SLC9C1: variants seen among roughly 807,000 people sequenced by gnomAD.
SLC9C1 encodes solute carrier family 9 member C1, also known as sodium/hydrogen exchanger 10.
Under a neutral mutation model 140.9 loss-of-function variants are expected in SLC9C1, and 97 were observed. The observed-to-expected ratio is 0.69, with a 90% CI of 0.58 to 0.82. The LOEUF is 0.82. SLC9C1 is among the 40% of genes least tolerant of loss of function. The probability of loss-of-function intolerance (pLI) is 0.00; values close to 1 mark genes in which losing one functional copy is unlikely to be tolerated. For synonymous variants in SLC9C1, 440 were observed against 442.6 expected, an observed-to-expected ratio of 0.99 and a Z score of 0.07; for missense variants, 1,340 against 1,389.3, an observed-to-expected ratio of 0.96 and a Z score of 0.56.
intron 9 of SLC9C1, 99 bp from the exon 10 acceptor site, chr3:112,263,197 C>G (rs1230697397): frequency 9.9e-7 from 1 of 1,013,942 alleles, no homozygotes; most frequent in Non-Finnish European, 1.4e-6. Context: ...GAATTCCTAA[C>G]TCTCAAACAA....
chr3:112,241,964 A>T (rs370891366), intron 11 of SLC9C1, among the ~76,000 whole-genome samples: 1 of 152,228 alleles, frequency 6.6e-6, no homozygotes, highest in Non-Finnish European at 1.5e-5. Flanking sequence ...TGGATTAAAT[A>T]TTTAAATGTA....
intron 2 of SLC9C1, among the ~76,000 whole-genome samples, chr3:112,281,179 C>A (rs932824760): frequency 3.3e-5 from 5 of 152,144 alleles, no homozygotes; most frequent in African/African-American, 1.2e-4. Context: ...AGAAACTAGA[C>A]CAACTTAAAA....
chr3:112,166,207 C>T (rs1016916859), intron 26 of SLC9C1, among the ~76,000 whole-genome samples: 1 of 152,248 alleles, frequency 6.6e-6, no homozygotes, highest in Middle Eastern at 3.2e-3. Context: ...TCCCTAACCC[C>T]TTGTGCTTCC....
At chr3:112,181,330 A>G (rs1176155530) in intron 21 of SLC9C1, among the ~76,000 whole-genome samples, 1 of 152,220 alleles carries the variant, frequency 6.6e-6, no homozygotes, top group Admixed American at 6.5e-5. Context: ...TGGCATGCAT[A>G]TGTCATACAT....
chr3:112,172,406 A>G (rs1268670234), intron 23 of SLC9C1, among the ~76,000 whole-genome samples: 2 of 151,976 alleles, frequency 1.3e-5, no homozygotes, highest in Non-Finnish European at 2.9e-5. Context: ...TGGAATTTGG[A>G]CTTGTATTTT....
At chr3:112,273,790 C>T (rs997124180) in intron 6 of SLC9C1, among the ~76,000 whole-genome samples, 2 of 151,920 alleles carry the variant, frequency 1.3e-5, no homozygotes, top group Non-Finnish European at 2.9e-5. Flanking sequence ...TGAGGGGAGG[C>T]GGGGAGTAGA....
chr3:112,221,737 TAAC>T (rs2078546530), intron 13 of SLC9C1, among the ~76,000 whole-genome samples: 1 of 152,090 alleles, frequency 6.6e-6, no homozygotes, highest in African/African-American at 2.4e-5. Flanking sequence ...AGTATTATAA[TAAC>T]AGATTGCTAC....
intron 23 of SLC9C1, among the ~76,000 whole-genome samples, chr3:112,178,960 C>A (rs1176934294): frequency 6.6e-6 from 1 of 152,100 alleles, no homozygotes; most frequent in Admixed American, 6.6e-5. Flanking sequence ...TTAAAAAATC[C>A]ATTTTCAAAG....
At chr3:112,167,944 C>G (rs954725830) in intron 25 of SLC9C1, among the ~76,000 whole-genome samples, 1 of 152,076 alleles carries the variant, frequency 6.6e-6, no homozygotes, top group Admixed American at 6.6e-5. Context: ...GTTTCACTTC[C>G]TCTCATTAAG....
At chr3:112,210,299 G>A (rs2078166109) in intron 15 of SLC9C1, among the ~76,000 whole-genome samples, 1 of 152,052 alleles carries the variant, frequency 6.6e-6, no homozygotes, top group Non-Finnish European at 1.5e-5. Flanking sequence ...AATAAAATGT[G>A]GTATATATAC....
At chr3:112,256,780 AT>A (rs1167466836) in intron 10 of SLC9C1, among the ~76,000 whole-genome samples, 3 of 152,084 alleles carry the variant, frequency 2.0e-5, no homozygotes, top group Non-Finnish European at 4.4e-5. Context: ...AATTATCCTT[AT>A]TTGCAGATGA....
intron 2 of SLC9C1, among the ~76,000 whole-genome samples, chr3:112,284,248 T>G (rs1403205065): frequency 6.6e-6 from 1 of 152,230 alleles, no homozygotes; most frequent in East Asian, 1.9e-4. Context: ...TTAGTTGCAC[T>G]GGGAACAGAG....
chr3:112,255,920 T>C (rs1419051800), intron 10 of SLC9C1, among the ~76,000 whole-genome samples: 2 of 152,036 alleles, frequency 1.3e-5, no homozygotes, highest in African/African-American at 4.8e-5. Flanking sequence ...CCCACAAAAA[T>C]ACAAATAACC....
chr3:112,204,612 G>T (rs987975500), intron 16 of SLC9C1, among the ~76,000 whole-genome samples: 6 of 151,892 alleles, frequency 4.0e-5, no homozygotes, highest in Non-Finnish European at 7.4e-5. Flanking sequence ...TTAGGATTGG[G>T]TTTAAAGGAC....
rs1257886039 is a variant in SLC9C1 at position 112,182,258 on chromosome 3, A to G, written c.2524T>C (p.Leu842=). 5 of 1,595,630 alleles carry G rather than the reference A, an allele frequency of 3.1e-6. No individual in the cohort carries two copies. Among genetic ancestry groups the G allele is most frequent in the Non-Finnish European group, 4.3e-6 (5 of 1,173,328 alleles). ...SKTEGAGINK[L]IMAKKKEVLD... is the part of the protein sequence containing the mutation. Reference sequence around the variant, plus strand: ...ACCTCTTTCTTTTTGGCCATGATTAACTAAAACATAAAATTTAAGAAAAGG... The same window carrying G: ...ACCTCTTTCTTTTTGGCCATGATTAGCTAAAACATAAAATTTAAGAAAAGG... The change falls in exon 21 of 29, where the codon TTA becomes CTA. Residue 842 remains leucine, a splice_region_variant and synonymous_variant. Coordinates refer to ENST00000305815, the MANE Select transcript of SLC9C1 (RefSeq NM_183061.3).
At chr3:112,252,294 A>C (rs970664056) in intron 10 of SLC9C1, among the ~76,000 whole-genome samples, 5 of 152,030 alleles carry the variant, frequency 3.3e-5, no homozygotes, top group African/African-American at 1.2e-4. Flanking sequence ...CCGAGGTCCT[A>C]GTTCTCTTCC....
chr3:112,177,482 A>C (rs1443857818), intron 23 of SLC9C1, among the ~76,000 whole-genome samples: 1 of 150,884 alleles, frequency 6.6e-6, no homozygotes, highest in African/African-American at 2.4e-5. Flanking sequence ...GTTTCTAGCC[A>C]AGTTAGCTTC....
intron 7 of SLC9C1, among the ~76,000 whole-genome samples, chr3:112,266,991 G>T (rs1271460159): frequency 6.6e-6 from 1 of 152,162 alleles, no homozygotes; most frequent in Admixed American, 6.5e-5. Flanking sequence ...AAATTGTCAT[G>T]AAATTTTAGA....
chr3:112,272,969 CCT>C (rs2080116627), intron 6 of SLC9C1, among the ~76,000 whole-genome samples: 2 of 152,096 alleles, frequency 1.3e-5, no homozygotes, highest in Admixed American at 1.3e-4. Context: ...AAAAAGTTCC[CCT>C]GATTAGCCTG....
Sources: gnomAD v4.1 joint callset for allele counts (sites outside exome capture counted in the v4.1 genomes callset) on GRCh38, gnomAD v4.1.1 for gene constraint, MANE v1.5 for transcripts, NCBI Gene and HGNC (gene_info 2026-07-23, HGNC 2026-07-21) for gene names.